TANC2: variants seen among roughly 807,000 people sequenced by gnomAD.
The protein encoded by TANC2 is protein TANC2.
TANC2 carries 26 observed loss-of-function variants against 210.5 expected under a neutral mutation model. The ratio of observed to expected loss-of-function variants is 0.12; its 90% CI spans 0.09 to 0.17. The LOEUF (loss-of-function observed/expected upper bound fraction) is 0.17, where lower values mean the gene tolerates loss of function less well. TANC2 is among the 10% of genes least tolerant of loss of function. The pLI is 1.00. For missense variants in TANC2, 2,129 were observed against 2,608.9 expected (o/e 0.82, Z 4.01); for synonymous variants, 931 against 967.1 (o/e 0.96, Z 0.69).
At chr17:63,249,119 T>C (rs2042990687) in intron 8 of TANC2, among the ~76,000 whole-genome samples, 2 of 152,188 alleles carry the variant, frequency 1.3e-5, no homozygotes, top group South Asian at 4.1e-4. Context: ...TACTGTTTGC[T>C]GAAAACATGA....
rs75213629 is a variant in TANC2, at chr17:62,989,014, G to C, written c.-23-20523G>C. On this transcript the variant is annotated intron_variant, in intron 1 of 27. Coordinates refer to ENST00000689528, the Ensembl canonical transcript of TANC2. ...CAAAAGCATATAGTAAGTACTTGAC[G>C]AATATGTTTACTTAAACCTCTAAAT... Among the ~76,000 whole-genome samples, 195 of 152,282 alleles carry C rather than the reference G, an allele frequency of 1.3e-3. 6 individuals are homozygous for C. In the East Asian group the frequency reaches 0.034, roughly 27 times the overall value.
At position 63,062,505 on chromosome 17, in the gene TANC2, G is replaced by T. The variant is rs79185389; in HGVS notation, c.68-11438G>T. On this transcript the variant is annotated intron_variant, in intron 2 of 27. Transcript: ENST00000689528. ...GCCTCTTCTGAACTTTCTACTGCAG[G>T]CCCCATGTACTCATTTGTTCTTAGA... is the stretch of plus-strand genomic sequence containing the variant. 6.6e-5 allele frequency among the ~76,000 whole-genome samples: 10 copies of T among 152,162 alleles called. No individual in the cohort carries two copies. The East Asian group carries it at 1.9e-3, about 29-fold the overall frequency.
chr17:63,024,395 A>T (rs1049551616), intron 2 of TANC2, among the ~76,000 whole-genome samples: 1 of 152,124 alleles, frequency 6.6e-6, no homozygotes, highest in African/African-American at 2.4e-5. Context: ...GACATTCGTA[A>T]ACTGTCTTGG....
At chr17:63,367,591 G>A (rs1285570791) in intron 14 of TANC2, among the ~76,000 whole-genome samples, 1 of 152,140 alleles carries the variant, frequency 6.6e-6, no homozygotes. Context: ...TAGACAAAGA[G>A]GAAATACTTT....
At chr17:63,045,556 C>T (rs1568341069) in intron 2 of TANC2, among the ~76,000 whole-genome samples, 2 of 151,934 alleles carry the variant, frequency 1.3e-5, no homozygotes, top group Non-Finnish European at 2.9e-5. Context: ...ATTTTTAATA[C>T]ATTTGGATTT....
At chr17:63,067,627 T>G (rs2036249439) in intron 2 of TANC2, among the ~76,000 whole-genome samples, 1 of 151,904 alleles carries the variant, frequency 6.6e-6, no homozygotes, top group Admixed American at 6.6e-5. Flanking sequence ...AAGAAGAACC[T>G]AATGAAAATT....
At chr17:63,011,271 T>G (rs1028060350) in intron 2 of TANC2, among the ~76,000 whole-genome samples, 2 of 152,152 alleles carry the variant, frequency 1.3e-5, no homozygotes, top group Admixed American at 1.3e-4. Context: ...CTTCTTCTTA[T>G]TGAATTCTAG....
intron 11 of TANC2, chr17:63,332,107 C>A: frequency 2.9e-6 from 1 of 349,556 alleles, no homozygotes; most frequent in South Asian, 2.6e-5. Context: ...ACCGAGGTAC[C>A]ACAGGAGAAT....
rs146316995 is a variant in TANC2, at chr17:63,317,367, C to T, written c.1442-1590C>T. Among the ~76,000 whole-genome samples the T allele has an allele frequency of 7.8e-3, 1,156 of 148,432 alleles. 6 individuals are homozygous for T. The highest frequency in any genetic ancestry group is 0.012 in the Non-Finnish European group (799 of 67,500). ...TATAGAAAAGCTGTCAAGGCAGGCACTAGCCTGTCATCCTGCTTTCCACCT... is the reference window on the plus strand; with the variant it reads ...TATAGAAAAGCTGTCAAGGCAGGCATTAGCCTGTCATCCTGCTTTCCACCT... On this transcript the variant is annotated intron_variant, in intron 10 of 27. Coordinates refer to ENST00000689528, the Ensembl canonical transcript of TANC2.
chr17:63,009,933 A>T (rs1480694288), intron 2 of TANC2, among the ~76,000 whole-genome samples: 1 of 152,184 alleles, frequency 6.6e-6, no homozygotes, highest in Non-Finnish European at 1.5e-5. Context: ...TGAATTAACA[A>T]ATGAAATTAT....
intron 4 of TANC2, among the ~76,000 whole-genome samples, chr17:63,146,809 T>C (rs146444646): frequency 0.014 from 2,140 of 152,282 alleles, 48 homozygotes; most frequent in African/African-American, 0.048. Flanking sequence ...ATTTTCTCTT[T>C]TCACCATTAG....
In TANC2 at chr17:63,421,373, G is replaced by A. The variant is rs748235457; in HGVS notation, c.5643G>A (p.Pro1881=). The A allele has an allele frequency of 2.3e-5, 37 of 1,613,668 alleles. No individual in the cohort carries two copies. Among genetic ancestry groups the A allele is most frequent in the Admixed American group, 1.0e-4 (6 of 59,980 alleles). ...TCTCCTCCACCTCCAACCTAACTCCGACCTTCCGGCCATCTTCTTCCATCC... is the reference window on the plus strand; with the variant it reads ...TCTCCTCCACCTCCAACCTAACTCCAACCTTCCGGCCATCTTCTTCCATCC... The change falls in exon 28 of 28, where the codon CCG becomes CCA. Residue 1881 remains proline, a synonymous_variant. Coordinates refer to ENST00000689528, the Ensembl canonical transcript of TANC2. This position sits in a 1 kb window ranked among gnomAD's most constrained non-coding sequence, Gnocchi z 6.9.
At chr17:63,089,698 A>T (rs968363797) in intron 3 of TANC2, among the ~76,000 whole-genome samples, 1 of 152,148 alleles carries the variant, frequency 6.6e-6, no homozygotes, top group Non-Finnish European at 1.5e-5. Flanking sequence ...ATGAAAGAAC[A>T]TTAGGAATAA....
At chr17:63,138,724 A>G (rs1282233948) in intron 4 of TANC2, among the ~76,000 whole-genome samples, 1 of 152,214 alleles carries the variant, frequency 6.6e-6, no homozygotes, top group African/African-American at 2.4e-5. Context: ...AATCCTTCAC[A>G]TATTTCAAAG....
At chr17:63,177,734 G>A (rs959188385) in intron 5 of TANC2, among the ~76,000 whole-genome samples, 1 of 152,134 alleles carries the variant, frequency 6.6e-6, no homozygotes, top group Non-Finnish European at 1.5e-5. Flanking sequence ...CTGGGTTCAG[G>A]CTGAAGGGGT....
At chr17:63,400,898 C>A (rs771042208) in intron 19 of TANC2, among the ~76,000 whole-genome samples, 38 of 152,028 alleles carry the variant, frequency 2.5e-4, no homozygotes, top group Non-Finnish European at 4.7e-4. Flanking sequence ...GGTGATCTCC[C>A]CACCTCAGCC....
chr17:63,050,796 G>C (rs913519045), intron 2 of TANC2, among the ~76,000 whole-genome samples: 2 of 152,230 alleles, frequency 1.3e-5, no homozygotes, highest in East Asian at 3.8e-4. Flanking sequence ...GGATTATCTG[G>C]AATGATAGGG....
At chr17:63,294,497 A>G (rs1432837652) in intron 9 of TANC2, among the ~76,000 whole-genome samples, 1 of 151,890 alleles carries the variant, frequency 6.6e-6, no homozygotes, top group Non-Finnish European at 1.5e-5. Context: ...ACAAAAAGAA[A>G]CTGCCTTCCC....
exon 6 of TANC2, chr17:63,193,994 A>G (rs2041264259): frequency 6.2e-7 from 1 of 1,612,270 alleles, no homozygotes; most frequent in African/African-American, 1.3e-5. Context: ...GTTACAGGTG[A>G]TGCTGAACAG....
Sources: gnomAD v4.1 joint callset for allele counts (sites outside exome capture counted in the v4.1 genomes callset) on GRCh38, gnomAD v4.1.1 for gene constraint, Gnocchi (gnomAD v3.1) non-coding constraint, MANE v1.5 for transcripts, NCBI Gene and HGNC (gene_info 2026-07-23, HGNC 2026-07-21) for gene names.